The following MDH1 variants were observed in gnomAD, a reference collection of about 807,000 sequenced individuals.
MDH1 encodes malate dehydrogenase 1, also known as malate dehydrogenase, cytoplasmic.
A neutral mutation model predicts 38.7 loss-of-function variants in MDH1; 15 were observed. That is an observed-to-expected ratio of 0.39 (90% CI 0.26 to 0.60). The LOEUF (loss-of-function observed/expected upper bound fraction) is 0.60. MDH1 is among the 20% of genes least tolerant of loss of function. The pLI, the probability that MDH1 is intolerant of heterozygous loss-of-function variation, is 0.56. For missense variants in MDH1, 368 were observed against 405.2 expected (o/e 0.91, Z 0.79); for synonymous variants, 144 against 143.6 (o/e 1.00, Z -0.02).
chr2:63,597,297 C>G, intron 3 of MDH1, 102 bp from the exon 4 acceptor site: 6 of 1,269,938 alleles, frequency 4.7e-6, no homozygotes, highest in Non-Finnish European at 5.0e-6. Context: ...TATGTAAACA[C>G]TTGCAACAAG....
chr2:63,594,534 C>T lies in MDH1; in HGVS notation c.50C>T (p.Ala17Val), dbSNP rs1424902994. 1.2e-6 allele frequency: 2 copies of T among 1,613,836 alleles called. No individual in the cohort carries two copies. Among genetic ancestry groups the T allele is most frequent in the South Asian group, 2.2e-5 (2 of 91,078 alleles). The change falls in exon 2 of 9, where the codon GCA (alanine) becomes GTA (valine). Residue 17 changes from alanine to valine, a missense_variant. Transcript: ENST00000233114. ...VLVTGAAGQIAYSLLYSIGNG... is the reference protein window; with the variant it reads ...VLVTGAAGQIVYSLLYSIGNG... ...GTGACTGGAGCAGCTGGTCAAATTG[C>T]ATATTCACTGCTGTACAGTATTGGA...
At chr2:63,589,081 G>A (rs372341562) in intron 1 of MDH1, 35 bp downstream of exon 1, 1 of 1,614,118 alleles carries the variant, frequency 6.2e-7, no homozygotes, top group East Asian at 2.2e-5. Flanking sequence ...CCCACCTCTG[G>A]CCCTCGCGCC....
At chr2:63,605,896 G>A (rs1175246524) in intron 7 of MDH1, 43 bp from the exon 8 acceptor site, 12 of 1,498,562 alleles carry the variant, frequency 8.0e-6, no homozygotes, top group Non-Finnish European at 1.1e-5. Flanking sequence ...TGTCAGTTGT[G>A]TAAACTAATC....
intron 4 of MDH1, among the ~76,000 whole-genome samples, chr2:63,598,820 C>T (rs372601617): frequency 6.7e-6 from 1 of 148,588 alleles, no homozygotes; most frequent in Non-Finnish European, 1.5e-5. Context: ...CGTCCTTGTT[C>T]GTGAGAAATA....
intron 1 of MDH1, chr2:63,589,464 A>C: frequency 4.3e-6 from 6 of 1,401,202 alleles, no homozygotes; most frequent in Non-Finnish European, 5.9e-6. Flanking sequence ...GGCTTTTGTC[A>C]CAGGGACCTT....
chr2:63,605,169 G>A (rs562630425), intron 6 of MDH1, 111 bp from the exon 7 acceptor site: 4 of 722,464 alleles, frequency 5.5e-6, no homozygotes, highest in South Asian at 3.7e-5. Context: ...TTTTGGAGGG[G>A]AAACATTAAG....
At chr2:63,604,652 A>C in intron 5 of MDH1, 44 bp from the exon 6 acceptor site, 1 of 1,516,636 alleles carries the variant, frequency 6.6e-7, no homozygotes, top group South Asian at 1.2e-5. Flanking sequence ...ATTGGAAATA[A>C]AAACCATTTG....
chr2:63,602,934 C>CTTTTTTTTTTTTTTTTTTTTTTTTTTT (rs370479356), intron 5 of MDH1, among the ~76,000 whole-genome samples: 3 of 131,538 alleles, frequency 2.3e-5, no homozygotes, highest in Admixed American at 7.7e-5. Flanking sequence ...TTTAACCGTT[C>CTTTTTTTTTTTTTTTTTTTTTTTTTTT]TTTTTTTTTT....
intron 8 of MDH1, 150 bp from the exon 9 acceptor site, chr2:63,606,712 G>T: frequency 1.3e-5 from 5 of 385,068 alleles, no homozygotes; most frequent in East Asian, 4.8e-5. Context: ...GTTTTTATTA[G>T]AATTATCTAT....
intron 1 of MDH1, chr2:63,594,207 A>G: frequency 1.9e-6 from 1 of 539,500 alleles, no homozygotes; most frequent in Non-Finnish European, 3.7e-6. Flanking sequence ...TGAACACATC[A>G]ACATTGTTGA....
rs370479356 is a variant in MDH1, at chr2:63,602,934, C to CTTTTTTT, written c.499-1725_499-1719dup. ...ACATAATACAGTTTATTTAACCGTT[C>CTTTTTTT]TTTTTTTTTTTTTTTTTTTTTTTTT... On this transcript the variant is annotated intron_variant, in intron 5 of 8. Coordinates refer to ENST00000233114, the MANE Select transcript of MDH1 (RefSeq NM_005917.4). Among the ~76,000 whole-genome samples the CTTTTTTT allele has an allele frequency of 1.9e-3, 249 of 131,500 alleles. 12 individuals are homozygous for CTTTTTTT. The highest frequency in any genetic ancestry group is 3.4e-3 in the Non-Finnish European group (204 of 59,534). The allele number at this position is 131,500 out of a possible 152,430, so 86.3% of individuals were successfully genotyped here.
intron 1 of MDH1, among the ~76,000 whole-genome samples, chr2:63,591,427 T>G (rs1709200086): frequency 6.6e-6 from 1 of 152,172 alleles, no homozygotes; most frequent in Non-Finnish European, 1.5e-5. Context: ...AGAAGAAAAC[T>G]GCTGAGGTGG....
At chr2:63,606,700 G>A (rs1014851480) in intron 8 of MDH1, among the ~76,000 whole-genome samples, 162 bp from the exon 9 acceptor site, 2 of 151,474 alleles carry the variant, frequency 1.3e-5, no homozygotes, top group Admixed American at 6.6e-5. Flanking sequence ...TTCAAGTGTT[G>A]AGTTTTTATT....
chr2:63,604,892 C>T lies in MDH1; in HGVS notation c.675+20C>T. The T allele has an allele frequency of 6.2e-7, 1 of 1,612,154 alleles. No homozygotes were observed. The highest frequency in any genetic ancestry group is 8.5e-7 in the Non-Finnish European group (1 of 1,178,938). On this transcript the variant is annotated intron_variant, in intron 6 of 8. Transcript: ENST00000233114. ...GTCACGGTAAGAAAAATCTGTGAGCCTTCTTAACACTGAGCGTAAAGAACT... is the reference window on the plus strand; with the variant it reads ...GTCACGGTAAGAAAAATCTGTGAGCTTTCTTAACACTGAGCGTAAAGAACT...
intron 1 of MDH1, among the ~76,000 whole-genome samples, chr2:63,591,726 C>G (rs1377127192): frequency 6.6e-6 from 1 of 152,162 alleles, no homozygotes; most frequent in Non-Finnish European, 1.5e-5. Context: ...AGACTGTTCT[C>G]AAGAGCGCTT....
At chr2:63,603,247 C>T (rs966003640) in intron 5 of MDH1, among the ~76,000 whole-genome samples, 4 of 152,070 alleles carry the variant, frequency 2.6e-5, no homozygotes, top group African/African-American at 4.8e-5. Context: ...TGAGCCACCG[C>T]GCCTGGCATA....
intron 5 of MDH1, chr2:63,599,570 G>T: frequency 4.6e-6 from 1 of 216,060 alleles, no homozygotes; most frequent in Non-Finnish European, 9.2e-6. Flanking sequence ...ATGTTCTCTT[G>T]TTACAGTGGT....
In MDH1 at chr2:63,607,129, G is replaced by A; in HGVS notation, c.*142G>A. The A allele has an allele frequency of 1.4e-6, 1 of 731,124 alleles. No individual in the cohort carries two copies. The highest frequency in any genetic ancestry group is 2.3e-5 in the South Asian group (1 of 44,104). The allele number at this position is 731,124 out of a possible 1,614,324, so 45.3% of individuals were successfully genotyped here. On this transcript the variant is annotated 3_prime_UTR_variant, in exon 9 of 9. Coordinates refer to ENST00000233114, the MANE Select transcript of MDH1 (RefSeq NM_005917.4). Reference sequence around the variant, plus strand: ...TAAAGATTACGTGCTTCTTGGTACAGGTTTGTGAATGACAGTTTATCGTCA... The same window carrying A: ...TAAAGATTACGTGCTTCTTGGTACAAGTTTGTGAATGACAGTTTATCGTCA...
intron 1 of MDH1, among the ~76,000 whole-genome samples, chr2:63,589,558 C>G (rs977847152): frequency 6.6e-6 from 1 of 152,200 alleles, no homozygotes; most frequent in Non-Finnish European, 1.5e-5. Flanking sequence ...TCCGCCATAT[C>G]TAATTTCTCA....
Sources: allele counts gnomAD v4.1 joint callset (sites outside exome capture counted in the v4.1 genomes callset), GRCh38; gene constraint gnomAD v4.1.1; transcripts MANE v1.5; gene names NCBI Gene and HGNC (gene_info 2026-07-23, HGNC 2026-07-21).